Variants in RAB40B observed in about 807,000 individuals in gnomAD.
RAB40B encodes the protein RAB40B, member RAS oncogene family, also known as ras-related protein Rab-40B.
Under a neutral mutation model 24.0 loss-of-function variants are expected in RAB40B, and 21 were observed. The observed-to-expected ratio is 0.88, with a 90% CI of 0.62 to 1.26. RAB40B has a LOEUF of 1.26. Ranked by LOEUF, RAB40B falls within the 50% of genes most tolerant of loss-of-function variation. The pLI, the probability that RAB40B is intolerant of heterozygous loss-of-function variation, is 0.00. For synonymous variants in RAB40B, 167 were observed against 169.8 expected (o/e 0.98, Z 0.13); for missense variants, 348 against 390.5 (o/e 0.89, Z 0.92).
rs993879614 is a variant in RAB40B, at chr17:82,661,384, G to T, written c.204-337C>A. 2.2e-5 allele frequency: 15 copies of T among 680,070 alleles called. No individual in the cohort carries two copies. The African/African-American group carries it at 2.9e-4, about 13-fold the overall frequency. 42.1% of individuals were successfully genotyped at this position (680,070 alleles called of 1,614,324 possible). On this transcript the variant is annotated intron_variant, in intron 2 of 5. Transcript: ENST00000571995. ...TAAATCTATGCAGTAAGGAGTGTGG[G>T]TCTACACCAGGGGAGAGAGGCCGGT...
chr17:82,660,540 A>G lies in RAB40B; in HGVS notation c.264+447T>C, dbSNP rs1206000743. ...GCACAGATGCATACACAGTGCACAT[A>G]CCTACACACACGTGTACACACACAC... On this transcript the variant is annotated intron_variant, in intron 3 of 5. Transcript: ENST00000571995. Among the ~76,000 whole-genome samples the G allele has an allele frequency of 3.3e-5, 5 of 151,190 alleles. No individual in the cohort carries two copies. In the East Asian group the frequency reaches 5.9e-4, roughly 18 times the overall value.
chr17:82,661,274 G>A, intron 2 of RAB40B: 2 of 1,314,574 alleles, frequency 1.5e-6, no homozygotes, highest in Non-Finnish European at 1.9e-6. Flanking sequence ...AGTCAAACTA[G>A]AAAAAATAGT....
At position 82,660,043 on chromosome 17, in the gene RAB40B, C is replaced by G. The variant is rs190115282; in HGVS notation, c.265-386G>C. On this transcript the variant is annotated intron_variant, in intron 3 of 5. Transcript: ENST00000571995. ...AGGCACTTGTGCACAGATGCACGCA[C>G]ACACAGTGCACGTACCTGCACACAT... Among the ~76,000 whole-genome samples the G allele has an allele frequency of 2.0e-5, 3 of 151,810 alleles. No individual in the cohort carries two copies. The East Asian group carries it at 5.8e-4, about 30-fold the overall frequency.
chr17:82,667,447 G>A lies in RAB40B; in HGVS notation c.143-2891C>T, dbSNP rs200530803. The stretch of plus-strand genomic sequence containing the variant: ...CCTGATCTGAGCACACCTGTGCAGC[G>A]CCTTCCATGAGATCCCGAGCACCCC... On this transcript the variant is annotated intron_variant, in intron 1 of 5. Transcript: ENST00000571995. The surrounding 1 kb of genome is among the most constrained non-coding windows in gnomAD (Gnocchi z 4.3). Among the ~76,000 whole-genome samples, 2 of 65,068 alleles carry A rather than the reference G, an allele frequency of 3.1e-5. No individual in the cohort carries two copies. Among genetic ancestry groups the A allele is most frequent in the Admixed American group, 2.9e-4 (2 of 6,786 alleles). The allele number at this position is 65,068 out of a possible 152,430, so 42.7% of individuals were successfully genotyped here.
rs1465616291 is a variant in RAB40B at position 82,661,045 on chromosome 17, TC to T, written c.205del (p.Asp69IlefsTer22). The T allele has an allele frequency of 6.2e-6, 10 of 1,613,840 alleles. No individual in the cohort carries two copies. The highest frequency in any genetic ancestry group is 8.5e-6 in the Non-Finnish European group (10 of 1,179,960). ...ACAAAATCTTCCCTGGCCTGAAGTA[TC>T]CCTGGAAAAGATGTTGGAGACCATT... is the stretch of plus-strand genomic sequence containing the variant. ...DGRRVKLQLW[D>X]TSGQGRFCTI... is the part of the protein sequence containing the mutation. On this transcript the variant is annotated frameshift_variant and splice_region_variant, in exon 3 of 6. Coordinates refer to ENST00000571995, the MANE Select transcript of RAB40B (RefSeq NM_006822.3). LOFTEE classifies it high-confidence loss of function.
At chr17:82,681,536 T>C (rs2046449555) in intron 1 of RAB40B, among the ~76,000 whole-genome samples, 1 of 152,156 alleles carries the variant, frequency 6.6e-6, no homozygotes, top group South Asian at 2.1e-4. Flanking sequence ...CAAGGCTCTG[T>C]GTGGAGGCTT....
rs3751911 is a variant in RAB40B, at chr17:82,657,767, G to A, written c.*96C>T. ...CACACATTCGCAAGCAGCATTCGCCGAGAGGAACCGGGATCTGAGATGCAT... is the reference window on the plus strand; with the variant it reads ...CACACATTCGCAAGCAGCATTCGCCAAGAGGAACCGGGATCTGAGATGCAT... On this transcript the variant is annotated 3_prime_UTR_variant, in exon 6 of 6. Transcript: ENST00000571995. 0.15 allele frequency: 213,101 copies of A among 1,418,576 alleles called. 17,056 individuals are homozygous for A. The highest frequency in any genetic ancestry group is 0.25 in the South Asian group (21,353 of 87,046). The allele number at this position is 1,418,576 out of a possible 1,614,324, so 87.9% of individuals were successfully genotyped here.
In RAB40B at chr17:82,677,072, C is replaced by T. The variant is rs189767289; in HGVS notation, c.143-12516G>A. Among the ~76,000 whole-genome samples the T allele has an allele frequency of 1.4e-3, 220 of 152,062 alleles. 1 individual carries two copies. The highest frequency in any genetic ancestry group is 5.0e-3 in the African/African-American group (206 of 41,470). On this transcript the variant is annotated intron_variant, in intron 1 of 5. Coordinates refer to ENST00000571995, the MANE Select transcript of RAB40B (RefSeq NM_006822.3). Reference sequence around the variant, plus strand: ...CAAGCAATTCTCCTGCCTCAGCCTCCCGAGTAGCTGGGATTACAGGCGCCC... The same window carrying T: ...CAAGCAATTCTCCTGCCTCAGCCTCTCGAGTAGCTGGGATTACAGGCGCCC...
intron 2 of RAB40B, 116 bp from the exon 3 acceptor site, chr17:82,661,163 C>G: frequency 2.7e-6 from 4 of 1,497,332 alleles, no homozygotes; most frequent in Non-Finnish European, 2.7e-6. Flanking sequence ...GCAGCCACCA[C>G]GCCGCCAGCG....
chr17:82,686,016 C>A lies in RAB40B; in HGVS notation c.142+12439G>T, dbSNP rs1035357006. ...ACGGGGTTTCACCATGTTGGCCAGGCTGGTCTCAAACTGCTGAACTCGTGA... is the reference window on the plus strand; with the variant it reads ...ACGGGGTTTCACCATGTTGGCCAGGATGGTCTCAAACTGCTGAACTCGTGA... On this transcript the variant is annotated intron_variant, in intron 1 of 5. Coordinates refer to ENST00000571995, the MANE Select transcript of RAB40B (RefSeq NM_006822.3). 2.8e-4 allele frequency among the ~76,000 whole-genome samples: 42 copies of A among 151,834 alleles called. 1 individual carries two copies. The highest frequency in any genetic ancestry group is 6.5e-4 in the African/African-American group (27 of 41,304).
chr17:82,664,409 G>A (rs539471006), intron 2 of RAB40B, 87 bp downstream of exon 2: 207 of 1,350,100 alleles, frequency 1.5e-4, no homozygotes, highest in Middle Eastern at 5.2e-4. Context: ...GGTGCTCCCC[G>A]GGGCACTGTG....
chr17:82,664,498 G>A lies in RAB40B; in HGVS notation c.201C>T (p.Leu67=), dbSNP rs1480052755. ...GCTCGCACCTCCTCCAGACTCACCAGAGCTGCAGCTTCACCCGCCGCCCGT... is the reference window on the plus strand; with the variant it reads ...GCTCGCACCTCCTCCAGACTCACCAAAGCTGCAGCTTCACCCGCCGCCCGT... ...LLDGRRVKLQ[L]WDTSGQGRFC... is the part of the protein sequence containing the mutation. Residue 67 remains leucine (L), a splice_region_variant and synonymous_variant, in exon 2 of 6, where the codon CTC becomes CTT. Coordinates refer to ENST00000571995, the MANE Select transcript of RAB40B (RefSeq NM_006822.3). The A allele has an allele frequency of 6.2e-7, 1 of 1,613,072 alleles. No individual in the cohort carries two copies. Among genetic ancestry groups the A allele is most frequent in the East Asian group, 2.2e-5 (1 of 44,896 alleles).
Position 82,655,285 on chromosome 17 carries a change from C to T in RAB40B, c.*2578G>A, listed in dbSNP as rs1161338187. On this transcript the variant is annotated 3_prime_UTR_variant, in exon 6 of 6. Transcript: ENST00000571995. ...TCGGGGAGCCTCCTTGCTACATGTT[C>T]CGCTTCTGGGGACTTCTGGTGGTGT... 1 of 151,948 alleles carries T rather than the reference C, an allele frequency of 6.6e-6. No homozygotes were observed. The highest frequency in any genetic ancestry group is 1.9e-4 in the East Asian group (1 of 5,182). 9.4% of individuals were successfully genotyped at this position (151,948 alleles called of 1,614,324 possible). A position where few individuals can be genotyped will look rare whatever the true frequency, so the allele number is the denominator to read the frequency against.
intron 1 of RAB40B, among the ~76,000 whole-genome samples, chr17:82,693,307 G>A (rs1271298909): frequency 6.6e-6 from 1 of 152,012 alleles, no homozygotes; most frequent in Non-Finnish European, 1.5e-5. Context: ...AGGCCCGGCC[G>A]ACTTGGGCAT....
chr17:82,682,514 T>C (rs1280202972), intron 1 of RAB40B, among the ~76,000 whole-genome samples: 1 of 152,176 alleles, frequency 6.6e-6, no homozygotes, highest in Admixed American at 6.5e-5. Flanking sequence ...TTAGTCCCAA[T>C]CAAAAATCCT....
intron 1 of RAB40B, among the ~76,000 whole-genome samples, chr17:82,680,072 C>G (rs1310581976): frequency 1.3e-5 from 2 of 152,260 alleles, no homozygotes; most frequent in Admixed American, 6.5e-5. Context: ...CCACAACTCC[C>G]AGGGCCTGAG....
chr17:82,688,248 T>G (rs1234563987), intron 1 of RAB40B, among the ~76,000 whole-genome samples: 1 of 151,966 alleles, frequency 6.6e-6, no homozygotes, highest in East Asian at 2.0e-4. Flanking sequence ...TCTGAACTCC[T>G]GAGCTCAAGC....
chr17:82,658,884 T>C, intron 4 of RAB40B, 171 bp from the exon 5 acceptor site: 2 of 617,620 alleles, frequency 3.2e-6, no homozygotes, highest in South Asian at 4.0e-5. Context: ...ATAGTTACGG[T>C]GCGGCCGCAC....
At chr17:82,688,707 G>C (rs1438634251) in intron 1 of RAB40B, among the ~76,000 whole-genome samples, 5 of 152,170 alleles carry the variant, frequency 3.3e-5, no homozygotes, top group Admixed American at 3.3e-4. Context: ...GCTGAGGCAG[G>C]TGGATCACCT....
Sources: allele counts gnomAD v4.1 joint callset (sites outside exome capture counted in the v4.1 genomes callset), GRCh38; gene constraint gnomAD v4.1.1; non-coding constraint Gnocchi (gnomAD v3.1); transcripts MANE v1.5; gene names NCBI Gene and HGNC (gene_info 2026-07-23, HGNC 2026-07-21).